Variants in PCMTD1 observed in about 807,000 individuals in gnomAD.
PCMTD1 encodes the protein protein-L-isoaspartate O-methyltransferase domain-containing protein 1.
A neutral mutation model predicts 37.6 loss-of-function variants in PCMTD1; 12 were observed. The ratio of observed to expected loss-of-function variants is 0.32; its 90% CI spans 0.20 to 0.52. The LOEUF (loss-of-function observed/expected upper bound fraction) is 0.52, where lower values mean the gene tolerates loss of function less well. Among genes scored for constraint, PCMTD1 ranks in the 20% least tolerant of loss-of-function variants. PCMTD1 has a pLI of 0.97. For synonymous variants in PCMTD1, 117 were observed against 135.8 expected, an observed-to-expected ratio of 0.86 and a Z score of 0.96; for missense variants, 235 against 421.3, an observed-to-expected ratio of 0.56 and a Z score of 3.87.
chr8:51,875,225 A>T (rs1456845012), intron 1 of PCMTD1, among the ~76,000 whole-genome samples: 1 of 152,196 alleles, frequency 6.6e-6, no homozygotes, highest in Non-Finnish European at 1.5e-5. Context: ...AAGGAAAAAA[A>T]TACCAAAAAG....
intron 1 of PCMTD1, among the ~76,000 whole-genome samples, chr8:51,870,087 G>A (rs760939304): frequency 1.6e-4 from 25 of 152,112 alleles, no homozygotes; most frequent in Non-Finnish European, 2.6e-4. Flanking sequence ...GCAGACCAAT[G>A]GCAGACAGAT....
At chr8:51,866,518 C>T (rs577682852) in intron 1 of PCMTD1, among the ~76,000 whole-genome samples, 36 of 151,866 alleles carry the variant, frequency 2.4e-4, no homozygotes, top group Non-Finnish European at 3.4e-4. Flanking sequence ...ACCAAGAACA[C>T]ACCATTAAGA....
chr8:51,855,745 G>A (rs7827346), intron 2 of PCMTD1, among the ~76,000 whole-genome samples: 76,826 of 151,324 alleles, frequency 0.51, 23,594 homozygotes, highest in Non-Finnish European at 0.68. Context: ...TGCAAGCTCC[G>A]CCTCCCGGGT....
In PCMTD1 at chr8:51,845,725, CTGAA is replaced by C; in HGVS notation, c.342_345del (p.His114GlnfsTer39). On this transcript the variant is annotated frameshift_variant, in exon 3 of 6. Transcript: ENST00000522514. LOFTEE classifies it high-confidence loss of function. ...TTTTCCTTGGCATATTCCACCACAT[CTGAA>C]TGAAGCTCAATCCCATGATTTATTC... 1 of 1,613,104 alleles carries C rather than the reference CTGAA, an allele frequency of 6.2e-7. No individual in the cohort carries two copies. Among genetic ancestry groups the C allele is most frequent in the Non-Finnish European group, 8.5e-7 (1 of 1,179,606 alleles).
chr8:51,845,908 G>A (rs2038211492), intron 2 of PCMTD1, 145 bp from the exon 3 acceptor site: 1 of 541,032 alleles, frequency 1.8e-6, no homozygotes, highest in Non-Finnish European at 3.2e-6. Flanking sequence ...AGACTTAAAA[G>A]TTGAATGGAA....
intron 1 of PCMTD1, among the ~76,000 whole-genome samples, chr8:51,898,333 G>A (rs1416802116): frequency 6.6e-6 from 1 of 152,010 alleles, no homozygotes; most frequent in Non-Finnish European, 1.5e-5. Flanking sequence ...CAAGCAAAAC[G>A]CGGGCACTGC....
At chr8:51,830,377 G>C (rs2037981289) in intron 5 of PCMTD1, among the ~76,000 whole-genome samples, 1 of 152,208 alleles carries the variant, frequency 6.6e-6, no homozygotes, top group Admixed American at 6.5e-5. Context: ...CAAACACGGT[G>C]AAAGGAAAAT....
chr8:51,873,897 CTTTT>C (rs923915180), intron 1 of PCMTD1, among the ~76,000 whole-genome samples: 11 of 148,382 alleles, frequency 7.4e-5, no homozygotes, highest in African/African-American at 1.2e-4. Context: ...TCAGGTATTT[CTTTT>C]TTTTTTCTTT....
intron 5 of PCMTD1, chr8:51,827,253 G>T (rs900253591): frequency 2.5e-6 from 3 of 1,177,950 alleles, no homozygotes; most frequent in Non-Finnish European, 3.2e-6. Context: ...ATAAGTTACT[G>T]TTGGTTACTG....
At chr8:51,829,599 G>T (rs552833044) in intron 5 of PCMTD1, among the ~76,000 whole-genome samples, 1 of 151,942 alleles carries the variant, frequency 6.6e-6, no homozygotes, top group Non-Finnish European at 1.5e-5. Flanking sequence ...TGTGAAACCC[G>T]GTCTCTACTA....
intron 1 of PCMTD1, among the ~76,000 whole-genome samples, chr8:51,872,910 C>T (rs928249240): frequency 4.6e-4 from 70 of 152,190 alleles, no homozygotes; most frequent in African/African-American, 1.6e-3. Flanking sequence ...GGTTTTTTCA[C>T]CTGCAAAATA....
At chr8:51,831,330 A>C (rs2037995511) in intron 5 of PCMTD1, 114 bp downstream of exon 5, 4 of 1,133,660 alleles carry the variant, frequency 3.5e-6, no homozygotes, top group Non-Finnish European at 4.8e-6. Context: ...AATCCACCAA[A>C]TATCTTACTG....
intron 2 of PCMTD1, among the ~76,000 whole-genome samples, chr8:51,850,248 C>T (rs888091629): frequency 6.6e-6 from 1 of 152,146 alleles, no homozygotes; most frequent in African/African-American, 2.4e-5. Context: ...TAAAACTTTG[C>T]ACACTATAAT....
At chr8:51,865,006 A>T (rs1419535829) in intron 1 of PCMTD1, among the ~76,000 whole-genome samples, 3 of 152,140 alleles carry the variant, frequency 2.0e-5, no homozygotes, top group African/African-American at 7.2e-5. Flanking sequence ...AGGAGATACC[A>T]CAACTCAGAA....
chr8:51,846,624 G>C (rs942658699), intron 2 of PCMTD1, among the ~76,000 whole-genome samples: 3 of 151,950 alleles, frequency 2.0e-5, no homozygotes, highest in Non-Finnish European at 4.4e-5. Context: ...GTCCTGGAAG[G>C]TGTCTTATTT....
rs75693721 is a variant in PCMTD1 at position 51,895,329 on chromosome 8, G to A, written c.-96+3601C>T. ...TCATTATAACTTTAGATTATAAACT[G>A]AACTGACTTCATCAATTGATAACAT... On this transcript the variant is annotated intron_variant, in intron 1 of 5. Coordinates refer to ENST00000522514, the MANE Select transcript of PCMTD1 (RefSeq NM_052937.4). Among the ~76,000 whole-genome samples, 177 of 152,274 alleles carry A rather than the reference G, an allele frequency of 1.2e-3. 1 individual carries two copies. In the East Asian group the frequency reaches 0.029, roughly 25 times the overall value.
intron 1 of PCMTD1, among the ~76,000 whole-genome samples, chr8:51,895,421 AGT>A (rs1056726915): frequency 2.6e-5 from 4 of 152,228 alleles, no homozygotes; most frequent in African/African-American, 9.6e-5. Context: ...AACACAGAAG[AGT>A]GTTTTATGCA....
chr8:51,899,120 A>C, upstream of PCMTD1: 1 of 1,424,642 alleles, frequency 7.0e-7, no homozygotes, highest in Non-Finnish European at 9.2e-7. Context: ...ATGCGCAGAG[A>C]ACCACGGGCA....
intron 2 of PCMTD1, among the ~76,000 whole-genome samples, chr8:51,854,190 G>A (rs565013702): frequency 7.9e-5 from 12 of 152,090 alleles, no homozygotes; most frequent in Non-Finnish European, 1.5e-4. Flanking sequence ...AAATTACTAT[G>A]AAAACTCTGT....
Sources: gnomAD v4.1 joint callset for allele counts (sites outside exome capture counted in the v4.1 genomes callset) on GRCh38, gnomAD v4.1.1 for gene constraint, MANE v1.5 for transcripts, NCBI Gene and HGNC (gene_info 2026-07-23, HGNC 2026-07-21) for gene names.